Variants in MCTP1 observed in about 807,000 individuals in gnomAD.
MCTP1 encodes multiple C2 and transmembrane domain containing 1, also known as multiple C2 and transmembrane domain-containing protein 1.
Under a neutral mutation model 120.6 loss-of-function variants are expected in MCTP1, and 69 were observed. The observed-to-expected ratio is 0.57, with a 90% CI of 0.47 to 0.70. The LOEUF is 0.70. MCTP1 is among the 30% of genes least tolerant of loss of function. The pLI, the probability that MCTP1 is intolerant of heterozygous loss-of-function variation, is 0.00. For missense variants in MCTP1, 1,203 were observed against 1,248.8 expected, an observed-to-expected ratio of 0.96 and a Z score of 0.55; for synonymous variants, 529 against 493.1, an observed-to-expected ratio of 1.07 and a Z score of -0.96.
At chr5:95,211,651 A>G (rs551982393) in intron 1 of MCTP1, among the ~76,000 whole-genome samples, 3 of 152,206 alleles carry the variant, frequency 2.0e-5, no homozygotes, top group Admixed American at 1.3e-4. Flanking sequence ...TAGTTTGATC[A>G]TCTGAAGCCT....
chr5:94,834,580 C>G (rs1789275406), intron 17 of MCTP1, among the ~76,000 whole-genome samples: 1 of 152,040 alleles, frequency 6.6e-6, no homozygotes, highest in South Asian at 2.1e-4. Context: ...AATTAATTTT[C>G]AGACGAGGAG....
intron 1 of MCTP1, among the ~76,000 whole-genome samples, chr5:95,150,238 AT>A (rs1392450293): frequency 6.6e-6 from 1 of 152,120 alleles, no homozygotes; most frequent in Non-Finnish European, 1.5e-5. Flanking sequence ...ACTTTTATTG[AT>A]GGGTGGAATG....
chr5:94,754,808 G>T (rs1217712431), intron 19 of MCTP1, among the ~76,000 whole-genome samples: 2 of 152,108 alleles, frequency 1.3e-5, no homozygotes, highest in Non-Finnish European at 1.5e-5. Context: ...CACTGATTTT[G>T]ACCTTTCCCT....
chr5:95,175,190 C>G (rs1254953843), intron 1 of MCTP1, among the ~76,000 whole-genome samples: 2 of 152,170 alleles, frequency 1.3e-5, no homozygotes, highest in Non-Finnish European at 2.9e-5. Context: ...GAGATTAGAA[C>G]CAATTCATTA....
chr5:95,237,409 C>A (rs929101577), intron 1 of MCTP1, among the ~76,000 whole-genome samples: 2 of 152,120 alleles, frequency 1.3e-5, no homozygotes, highest in Admixed American at 6.6e-5. Flanking sequence ...TAGGGACATG[C>A]GGTGGGTTGG....
At chr5:95,272,726 C>T (rs1195669577) in intron 1 of MCTP1, among the ~76,000 whole-genome samples, 2 of 152,214 alleles carry the variant, frequency 1.3e-5, no homozygotes, top group Admixed American at 6.5e-5. Flanking sequence ...TGACTATTCC[C>T]TTCTGTCTTA....
intron 1 of MCTP1, among the ~76,000 whole-genome samples, chr5:95,242,301 A>G (rs1276738959): frequency 6.6e-6 from 1 of 152,164 alleles, no homozygotes; most frequent in African/African-American, 2.4e-5. Flanking sequence ...ACTATTATCC[A>G]AACTCAGTCA....
At chr5:94,838,790 T>A (rs1790368334) in intron 17 of MCTP1, among the ~76,000 whole-genome samples, 1 of 151,900 alleles carries the variant, frequency 6.6e-6, no homozygotes, top group Non-Finnish European at 1.5e-5. Flanking sequence ...AGCTTTAGAG[T>A]ATATATTTTG....
rs1439345535 is a variant in MCTP1, at chr5:95,095,240, G to GGATGT, written c.721-77757_721-77756insACATC. Among the ~76,000 whole-genome samples the GGATGT allele has an allele frequency of 3.9e-4, 59 of 151,602 alleles. No homozygotes were observed. The East Asian group carries it at 9.5e-3, about 24-fold the overall frequency. ...GGGTTTCACCATGTTAGCCAGGATGGTCTCGATCTCCTGACCTCGTGATCC... is the reference window on the plus strand; with the variant it reads ...GGGTTTCACCATGTTAGCCAGGATGGGATGTTCTCGATCTCCTGACCTCGTGATCC... On this transcript the variant is annotated intron_variant, in intron 1 of 22. Transcript: ENST00000515393.
chr5:94,827,063 T>A (rs1787302300), intron 17 of MCTP1, among the ~76,000 whole-genome samples: 1 of 152,164 alleles, frequency 6.6e-6, no homozygotes, highest in African/African-American at 2.4e-5. Flanking sequence ...CCTTATAGTG[T>A]CAATGGGCTT....
At position 95,284,231 on chromosome 5, in the gene MCTP1, G is replaced by T. The variant is rs747837958; in HGVS notation, c.345C>A (p.Ala115=). The T allele has an allele frequency of 5.1e-6, 8 of 1,582,572 alleles. No individual in the cohort carries two copies. The highest frequency in any genetic ancestry group is 6.8e-6 in the Non-Finnish European group (8 of 1,171,420). ...GGCGGCGTAGCGTGGACCCCTGCTC[G>T]GCTCTGCCGGCGCCGCCGGGCTCCA... ...EPLEPGGAGR[A]EQGSTLRRRI... is the part of the protein sequence containing the mutation. The change falls in exon 1 of 23, where the codon GCC becomes GCA. Residue 115 remains alanine (A), a synonymous_variant. Coordinates refer to ENST00000515393, the MANE Select transcript of MCTP1 (RefSeq NM_024717.7). The surrounding 1 kb of genome is among the most constrained non-coding windows in gnomAD (Gnocchi z 5.2).
chr5:94,960,513 T>C lies in MCTP1; in HGVS notation c.839-7152A>G, dbSNP rs557596304. ...ACAGAATGGGAGAAAATTTTTGCAA[T>C]CTATCCATCTGACAAAGGGCTAATA... On this transcript the variant is annotated intron_variant, in intron 2 of 22. Transcript: ENST00000515393. Among the ~76,000 whole-genome samples, 8 of 152,184 alleles carry C rather than the reference T, an allele frequency of 5.3e-5. No individual in the cohort carries two copies. In the East Asian group the frequency reaches 1.5e-3, roughly 29 times the overall value.
intron 1 of MCTP1, among the ~76,000 whole-genome samples, chr5:95,171,960 G>A (rs562545286): frequency 5.9e-5 from 9 of 152,294 alleles, no homozygotes; most frequent in South Asian, 2.1e-4. Flanking sequence ...GAGGAGCTGC[G>A]TTCCTTTAAA....
chr5:95,107,465 A>C, intron 1 of MCTP1, among the ~76,000 whole-genome samples: 1 of 152,374 alleles, frequency 6.6e-6, no homozygotes, highest in East Asian at 1.9e-4. Flanking sequence ...TTATTATAAA[A>C]GTTTTTTAAA....
chr5:95,147,653 G>C (rs1374551092), intron 1 of MCTP1, among the ~76,000 whole-genome samples: 4 of 152,116 alleles, frequency 2.6e-5, no homozygotes, highest in African/African-American at 9.7e-5. Context: ...TCTTTATCCA[G>C]TTTGCCACTC....
At chr5:94,987,704 A>G (rs1322907128) in intron 2 of MCTP1, among the ~76,000 whole-genome samples, 2 of 152,214 alleles carry the variant, frequency 1.3e-5, no homozygotes, top group Non-Finnish European at 2.9e-5. Flanking sequence ...TGACCTGAAC[A>G]CACAATGTAA....
At chr5:94,736,963 C>A (rs931452076) in intron 19 of MCTP1, among the ~76,000 whole-genome samples, 2 of 152,116 alleles carry the variant, frequency 1.3e-5, no homozygotes, top group Non-Finnish European at 2.9e-5. Flanking sequence ...GAGACCCTGA[C>A]TTCATGATGC....
chr5:95,011,188 C>A (rs998848046), intron 2 of MCTP1, among the ~76,000 whole-genome samples: 1 of 152,102 alleles, frequency 6.6e-6, no homozygotes, highest in South Asian at 2.1e-4. Context: ...CTGCAAAATT[C>A]TATTTCACAT....
chr5:95,182,139 G>A (rs1562215497), intron 1 of MCTP1, among the ~76,000 whole-genome samples: 1 of 152,180 alleles, frequency 6.6e-6, no homozygotes, highest in Non-Finnish European at 1.5e-5. Flanking sequence ...TATAACCAAA[G>A]GAACTCAGTG....
Sources: gnomAD v4.1 joint callset for allele counts (sites outside exome capture counted in the v4.1 genomes callset) on GRCh38, gnomAD v4.1.1 for gene constraint, Gnocchi (gnomAD v3.1) non-coding constraint, MANE v1.5 for transcripts, NCBI Gene and HGNC (gene_info 2026-07-23, HGNC 2026-07-21) for gene names.